Variants in PACS2 observed in about 807,000 individuals in gnomAD.
PACS2 encodes the protein PACS1-like protein.
Under a neutral mutation model 113.0 loss-of-function variants are expected in PACS2, and 36 were observed. That is an observed-to-expected ratio of 0.32 (90% CI 0.24 to 0.42). The LOEUF is 0.42. Among genes scored for constraint, PACS2 ranks in the 10% least tolerant of loss-of-function variants. The pLI is 1.00. For synonymous variants in PACS2, 589 were observed against 536.1 expected, an observed-to-expected ratio of 1.10 and a Z score of -1.36; for missense variants, 1,015 against 1,239.5, an observed-to-expected ratio of 0.82 and a Z score of 2.72.
intron 19 of PACS2, chr14:105,389,514 C>T: frequency 5.2e-6 from 1 of 191,172 alleles, no homozygotes; most frequent in South Asian, 1.2e-4. Context: ...GGCCCAGGCT[C>T]TTCCTGGGAG....
intron 1 of PACS2, among the ~76,000 whole-genome samples, chr14:105,325,248 C>T (rs1205279758): frequency 6.6e-6 from 1 of 151,824 alleles, no homozygotes; most frequent in Non-Finnish European, 1.5e-5. Context: ...GGAGGGTTTG[C>T]TTCAGGGTAG....
chr14:105,325,056 TG>T (rs2059046403), intron 1 of PACS2, among the ~76,000 whole-genome samples: 1 of 151,786 alleles, frequency 6.6e-6, no homozygotes, highest in African/African-American at 2.4e-5. Context: ...CTGGCCAAGC[TG>T]TGGGCACCCC....
At chr14:105,310,026 C>A (rs1323584887), upstream of PACS2, among the ~76,000 whole-genome samples, 1 of 151,376 alleles carries the variant, frequency 6.6e-6, no homozygotes, top group African/African-American at 2.4e-5. Context: ...CCTGGAGATC[C>A]ACCCGCCTCG....
In PACS2 at chr14:105,348,369, C is replaced by A; in HGVS notation, c.120-124C>A. On this transcript the variant is annotated intron_variant, in intron 1 of 24. Coordinates refer to ENST00000447393, the MANE Select transcript of PACS2 (RefSeq NM_001100913.3). This position sits in a 1 kb window ranked among gnomAD's most constrained non-coding sequence, Gnocchi z 6.4. Reference sequence around the variant, plus strand: ...CTGTGAGGTCCTGGGGCCGCCCAGGCAGTCACACCCCGCCCTGCACCCCAG... The same window carrying A: ...CTGTGAGGTCCTGGGGCCGCCCAGGAAGTCACACCCCGCCCTGCACCCCAG... 1.5e-6 allele frequency: 1 copy of A among 667,512 alleles called. No homozygotes were observed. Among genetic ancestry groups the A allele is most frequent in the Non-Finnish European group, 2.6e-6 (1 of 385,696 alleles). The allele number at this position is 667,512 out of a possible 1,614,324, so 41.3% of individuals were successfully genotyped here. A position where few individuals can be genotyped will look rare whatever the true frequency, so the allele number is the denominator to read the frequency against.
chr14:105,326,645 G>C (rs1338905957), intron 1 of PACS2, among the ~76,000 whole-genome samples: 1 of 152,216 alleles, frequency 6.6e-6, no homozygotes, highest in Admixed American at 6.5e-5. Context: ...GAGGCCCCTC[G>C]GTCTGGCCTA....
At chr14:105,347,686 A>G (rs1470583242) in intron 1 of PACS2, among the ~76,000 whole-genome samples, 3 of 152,190 alleles carry the variant, frequency 2.0e-5, no homozygotes. Context: ...AAGAAGAAAA[A>G]TGAGCCAAGC....
rs1555410621 is a variant in PACS2 at position 105,376,905 on chromosome 14, C to T, written c.939C>T (p.Ser313=). Residue 313 remains serine, a synonymous_variant, in exon 9 of 25, where the codon AGC becomes AGT. Transcript: ENST00000447393. This position sits in a 1 kb window ranked among gnomAD's most constrained non-coding sequence, Gnocchi z 4.7. ...TGGAGGATGACGACAGCGTCCTCAG[C>T]ACCCCCAAGCCGAAGCTGCGGTGAG... ...PDMEDDDSVL[S]TPKPKLRPYF... The T allele has an allele frequency of 6.2e-7, 1 of 1,610,450 alleles. No homozygotes were observed. Among genetic ancestry groups the T allele is most frequent in the East Asian group, 2.2e-5 (1 of 44,844 alleles).
intron 19 of PACS2, among the ~76,000 whole-genome samples, chr14:105,388,077 G>A (rs2081238694): frequency 6.6e-6 from 1 of 152,238 alleles, no homozygotes; most frequent in Non-Finnish European, 1.5e-5. Flanking sequence ...TATGTTATTT[G>A]AAATGGACAA....
upstream of PACS2, among the ~76,000 whole-genome samples, chr14:105,313,847 G>T (rs1242905646): frequency 2.0e-5 from 3 of 152,224 alleles, no homozygotes; most frequent in South Asian, 2.1e-4. Flanking sequence ...AACAGATGGG[G>T]GAAGCACCCT....
At chr14:105,331,164 A>G (rs933764219) in intron 1 of PACS2, among the ~76,000 whole-genome samples, 53 of 152,232 alleles carry the variant, frequency 3.5e-4, no homozygotes, top group African/African-American at 1.2e-3. Flanking sequence ...CGTGTTGGCC[A>G]GGCTGGTCTC....
chr14:105,327,231 G>A (rs899134308), intron 1 of PACS2, among the ~76,000 whole-genome samples: 4 of 152,236 alleles, frequency 2.6e-5, no homozygotes, highest in Non-Finnish European at 2.9e-5. Flanking sequence ...CCTCAGAAGC[G>A]AGGGGGAAGG....
chr14:105,315,902 G>T lies in PACS2; in HGVS notation c.119+865G>T, dbSNP rs1490442042. Among the ~76,000 whole-genome samples, 3 of 152,260 alleles carry T rather than the reference G, an allele frequency of 2.0e-5. No individual in the cohort carries two copies. Among genetic ancestry groups the T allele is most frequent in the Non-Finnish European group, 2.9e-5 (2 of 68,044 alleles). ...CAGGCGAGAAGAGGAGGCGGTTGGG[G>T]GTAGTGAGAGTTCTCCCTGGGGAGA... On this transcript the variant is annotated intron_variant, in intron 1 of 24. Coordinates refer to ENST00000447393, the MANE Select transcript of PACS2 (RefSeq NM_001100913.3). This position sits in a 1 kb window ranked among gnomAD's most constrained non-coding sequence, Gnocchi z 4.4.
chr14:105,318,595 G>A (rs1168070882), intron 1 of PACS2, among the ~76,000 whole-genome samples: 3 of 151,460 alleles, frequency 2.0e-5, no homozygotes, highest in African/African-American at 7.3e-5. Context: ...GACTACAGGC[G>A]CCTGCCAGCA....
chr14:105,392,445 G>T, intron 22 of PACS2, 174 bp from the exon 23 acceptor site: 1 of 612,986 alleles, frequency 1.6e-6, no homozygotes, highest in Non-Finnish European at 2.9e-6. Flanking sequence ...CCCTTGTGGG[G>T]GTGACTGGGC....
At chr14:105,389,695 C>G in intron 19 of PACS2, 1 of 533,838 alleles carries the variant, frequency 1.9e-6, no homozygotes, top group Non-Finnish European at 3.4e-6. Context: ...GTCCTCCTGA[C>G]CATGGGTGCA....
chr14:105,368,002 T>TG, intron 5 of PACS2, 72 bp from the exon 6 acceptor site: 1 of 962,724 alleles, frequency 1.0e-6, no homozygotes, highest in Non-Finnish European at 1.7e-6. Context: ...CAGGGAAGCC[T>TG]GGGGGTGGTC....
intron 16 of PACS2, chr14:105,383,761 C>T (rs77082616): frequency 0.01 from 5,018 of 500,466 alleles, 222 homozygotes; most frequent in African/African-American, 0.087. Flanking sequence ...TGCCCTAAAA[C>T]AGCCATTTGG....
At chr14:105,383,268 G>A in intron 15 of PACS2, 91 bp from the exon 16 acceptor site, 2 of 1,454,106 alleles carry the variant, frequency 1.4e-6, no homozygotes, top group South Asian at 2.3e-5. Context: ...CAGGCACGGA[G>A]CCCCCTGGGC....
chr14:105,393,452 G>A lies in PACS2; in HGVS notation c.2596+117G>A, dbSNP rs1167521371. 5 of 617,714 alleles carry A rather than the reference G, an allele frequency of 8.1e-6. 1 individual carries two copies. The highest frequency in any genetic ancestry group is 3.7e-5 in the African/African-American group (2 of 53,672). 38.3% of individuals were successfully genotyped at this position (617,714 alleles called of 1,614,324 possible). A position where few individuals can be genotyped will look rare whatever the true frequency, so the allele number is the denominator to read the frequency against. On this transcript the variant is annotated intron_variant, in intron 24 of 24. Transcript: ENST00000447393. ...TCTCGCTGTGACACGCACATTCCACGATTCAAGGTGCAAGCACATTCGATG... is the reference window on the plus strand; with the variant it reads ...TCTCGCTGTGACACGCACATTCCACAATTCAAGGTGCAAGCACATTCGATG...
Sources: gnomAD v4.1 joint callset for allele counts (sites outside exome capture counted in the v4.1 genomes callset) on GRCh38, gnomAD v4.1.1 for gene constraint, Gnocchi (gnomAD v3.1) non-coding constraint, MANE v1.5 for transcripts, NCBI Gene and HGNC (gene_info 2026-07-23, HGNC 2026-07-21) for gene names.